The following ATP13A4 variants were observed in gnomAD, a reference collection of about 807,000 sequenced individuals.
ATP13A4 encodes probable cation-transporting ATPase 13A4.
ATP13A4 carries 114 observed loss-of-function variants against 142.5 expected under a neutral mutation model. The ratio of observed to expected loss-of-function variants is 0.80; its 90% CI spans 0.69 to 0.93. The LOEUF (loss-of-function observed/expected upper bound fraction) is 0.93, where lower values mean the gene tolerates loss of function less well. Ranked by LOEUF, ATP13A4 falls within the 40% of genes least tolerant of loss-of-function variation. The pLI is 0.00. For missense variants in ATP13A4, 1,392 were observed against 1,454.0 expected (o/e 0.96, Z 0.69); for synonymous variants, 488 against 514.8 (o/e 0.95, Z 0.70).
At chr3:193,462,720 A>G in intron 13 of ATP13A4, 42 bp downstream of exon 13, 2 of 1,568,340 alleles carry the variant, frequency 1.3e-6, no homozygotes, top group Non-Finnish European at 1.8e-6. Context: ...TTGGAAAAAG[A>G]GACACTAGAA....
intron 1 of ATP13A4, among the ~76,000 whole-genome samples, chr3:193,592,366 G>A (rs953623792): frequency 6.6e-6 from 1 of 152,158 alleles, no homozygotes; most frequent in African/African-American, 2.4e-5. Context: ...ATCTGGGCCT[G>A]TCCAACATTG....
At chr3:193,457,352 G>A (rs1490429640) in intron 15 of ATP13A4, 27 bp downstream of exon 15, 1 of 1,611,008 alleles carries the variant, frequency 6.2e-7, no homozygotes, top group Admixed American at 1.7e-5. Context: ...TTTGGGTGTT[G>A]TGGGGTGAAG....
chr3:193,512,992 CA>C (rs1721221476), intron 2 of ATP13A4, among the ~76,000 whole-genome samples: 1 of 152,230 alleles, frequency 6.6e-6, no homozygotes, highest in Non-Finnish European at 1.5e-5. Context: ...TCTTATTCCA[CA>C]ATAACCTCTT....
chr3:193,478,266 C>T (rs943033340), intron 8 of ATP13A4, among the ~76,000 whole-genome samples: 6 of 151,298 alleles, frequency 4.0e-5, no homozygotes, highest in African/African-American at 1.2e-4. Context: ...AAATAAATAA[C>T]CAAGATCAGA....
At chr3:193,423,383 C>T (rs1257899766) in intron 25 of ATP13A4, among the ~76,000 whole-genome samples, 1 of 148,438 alleles carries the variant, frequency 6.7e-6, no homozygotes, top group Non-Finnish European at 1.5e-5. Flanking sequence ...ACTACAAGGA[C>T]ACAATAAAAA....
At chr3:193,450,512 C>A (rs10804954) in intron 17 of ATP13A4, among the ~76,000 whole-genome samples, 13,245 of 152,098 alleles carry the variant, frequency 0.087, 1,018 homozygotes, top group East Asian at 0.18. Context: ...TGTCCAAATC[C>A]GAGTCCCATG....
rs531416115 is a variant in ATP13A4 at position 193,401,390 on chromosome 3, C to CT, written c.*1261dup. Among the ~76,000 whole-genome samples the CT allele has an allele frequency of 2.3e-3, 352 of 151,662 alleles. 1 individual carries two copies. The highest frequency in any genetic ancestry group is 3.6e-3 in the Non-Finnish European group (247 of 67,920). ...GTTTTCTGGAAACTCAAGCCACAAA[C>CT]TTTAAAAAAAAAATGTACTAGTTGT... On this transcript the variant is annotated 3_prime_UTR_variant, in exon 30 of 30. Transcript: ENST00000342695.
At chr3:193,464,189 C>T (rs1057298949) in intron 12 of ATP13A4, among the ~76,000 whole-genome samples, 1 of 152,220 alleles carries the variant, frequency 6.6e-6, no homozygotes, top group Non-Finnish European at 1.5e-5. Context: ...CTTAGCCACA[C>T]ATTCAAGGTC....
chr3:193,533,714 A>C (rs909282122), intron 1 of ATP13A4, among the ~76,000 whole-genome samples: 11 of 152,212 alleles, frequency 7.2e-5, no homozygotes, highest in Non-Finnish European at 1.3e-4. Context: ...ACCTGGTCCC[A>C]CCTAACCAGC....
At chr3:193,541,171 C>T (rs1423514197) in intron 1 of ATP13A4, among the ~76,000 whole-genome samples, 3 of 148,418 alleles carry the variant, frequency 2.0e-5, no homozygotes, top group East Asian at 2.0e-4. Context: ...ATGGCGTGAA[C>T]CCGGGAGGCG....
chr3:193,591,818 C>A (rs1724801847), intron 1 of ATP13A4, among the ~76,000 whole-genome samples: 1 of 151,966 alleles, frequency 6.6e-6, no homozygotes, highest in African/African-American at 2.4e-5. Context: ...GTTAAAGTCT[C>A]TTGGTTTCTC....
At chr3:193,405,006 G>T (rs949023890) in intron 29 of ATP13A4, among the ~76,000 whole-genome samples, 2 of 152,174 alleles carry the variant, frequency 1.3e-5, no homozygotes, top group African/African-American at 2.4e-5. Flanking sequence ...TCAGCTGGAG[G>T]TTCGATCATG....
rs1393025019 is a variant in ATP13A4, at chr3:193,489,841, A to C, written c.627T>G (p.Phe209Leu). Residue 209 changes from phenylalanine to leucine, a missense_variant, in exon 7 of 30, where the codon TTT (phenylalanine) becomes TTG (leucine). Phe to Leu is a conservative substitution (Grantham distance 22). Transcript: ENST00000342695. ...IKEVLNPFYI[F>L]QLFSVCLWFS... ...ACCACAAACAGACACTGAAGAGTTG[A>C]AATATATAAAATGGATTTAGAACCT... 1 of 1,613,134 alleles carries C rather than the reference A, an allele frequency of 6.2e-7. No individual in the cohort carries two copies. The highest frequency in any genetic ancestry group is 1.7e-5 in the Admixed American group (1 of 60,014).
In ATP13A4 at chr3:193,475,613, C is replaced by G. The variant is rs75979343; in HGVS notation, c.809-4620G>C. Among the ~76,000 whole-genome samples, 454 of 152,008 alleles carry G rather than the reference C, an allele frequency of 3.0e-3. 9 individuals carry two copies. The highest frequency in any genetic ancestry group is 0.01 in the African/African-American group (423 of 41,394). On this transcript the variant is annotated intron_variant, in intron 8 of 29. Transcript: ENST00000342695. ...ATAGGAACCAGACTCCCTGGAATGTCTTCTGTCTTACAGATTTGACTTTCA... is the reference window on the plus strand; with the variant it reads ...ATAGGAACCAGACTCCCTGGAATGTGTTCTGTCTTACAGATTTGACTTTCA...
chr3:193,452,652 T>C (rs1717348847), intron 17 of ATP13A4, among the ~76,000 whole-genome samples: 1 of 148,214 alleles, frequency 6.7e-6, no homozygotes, highest in South Asian at 2.2e-4. Flanking sequence ...GCATCACACA[T>C]GTCTTTTGAA....
chr3:193,573,290 C>CATATATAT, intron 2 of ATP13A4, among the ~76,000 whole-genome samples: 1 of 109,964 alleles, frequency 9.1e-6, no homozygotes, highest in African/African-American at 4.4e-5. Context: ...TATATATATA[C>CATATATAT]ACATATATAT....
chr3:193,547,387 C>T (rs1045617600), intron 1 of ATP13A4, among the ~76,000 whole-genome samples: 1 of 152,210 alleles, frequency 6.6e-6, no homozygotes, highest in East Asian at 1.9e-4. Context: ...CTGACCAAAT[C>T]CAGCTCCACC....
chr3:193,581,292 G>A (rs192734997), intron 2 of ATP13A4, among the ~76,000 whole-genome samples: 2 of 152,224 alleles, frequency 1.3e-5, no homozygotes, highest in South Asian at 2.1e-4. Flanking sequence ...TTAATCTGTA[G>A]TGTTATTTTT....
At chr3:193,443,076 T>G (rs559392989) in intron 18 of ATP13A4, among the ~76,000 whole-genome samples, 1 of 152,280 alleles carries the variant, frequency 6.6e-6, no homozygotes, top group African/African-American at 2.4e-5. Context: ...TTCTCAGCAC[T>G]TTTTCTCTTC....
Sources: gnomAD v4.1 joint callset for allele counts (sites outside exome capture counted in the v4.1 genomes callset) on GRCh38, gnomAD v4.1.1 for gene constraint, MANE v1.5 for transcripts, NCBI Gene and HGNC (gene_info 2026-07-23, HGNC 2026-07-21) for gene names.